The following DCC variants were observed in gnomAD, a reference collection of about 807,000 sequenced individuals.
DCC encodes the protein DCC netrin 1 receptor.
DCC carries 58 observed loss-of-function variants against 172.5 expected under a neutral mutation model. The observed-to-expected ratio is 0.34, with a 90% CI of 0.27 to 0.42. The LOEUF is 0.42. DCC is among the 10% of genes least tolerant of loss of function. The pLI, the probability that DCC is intolerant of heterozygous loss-of-function variation, is 1.00. For missense variants in DCC, 1,740 were observed against 1,791.0 expected, an observed-to-expected ratio of 0.97 and a Z score of 0.51; for synonymous variants, 709 against 644.5, an observed-to-expected ratio of 1.10 and a Z score of -1.52.
chr18:52,501,955 G>A (rs2031038938), intron 1 of DCC, among the ~76,000 whole-genome samples: 1 of 152,144 alleles, frequency 6.6e-6, no homozygotes, highest in South Asian at 2.1e-4. Context: ...TCTCTCCAGG[G>A]CCCACAGTTC....
intron 7 of DCC, among the ~76,000 whole-genome samples, chr18:53,113,281 T>C (rs1008782279): frequency 6.6e-6 from 1 of 151,476 alleles, no homozygotes; most frequent in African/African-American, 2.4e-5. Context: ...AAATAAACTA[T>C]AGAACACGTA....
chr18:52,547,399 A>G (rs1323054240), intron 1 of DCC, among the ~76,000 whole-genome samples: 1 of 152,126 alleles, frequency 6.6e-6, no homozygotes, highest in Non-Finnish European at 1.5e-5. Context: ...ATTTTAGTCC[A>G]CTCATTCCAC....
At chr18:52,955,736 C>A (rs1008306242) in intron 5 of DCC, among the ~76,000 whole-genome samples, 2 of 152,050 alleles carry the variant, frequency 1.3e-5, no homozygotes, top group Admixed American at 1.3e-4. Context: ...GGGATTTTGG[C>A]TATTCCAATA....
intron 1 of DCC, among the ~76,000 whole-genome samples, chr18:52,693,819 G>T (rs2035968534): frequency 6.6e-6 from 1 of 152,010 alleles, no homozygotes; most frequent in African/African-American, 2.4e-5. Flanking sequence ...AAATAGGATG[G>T]GATTGGATTA....
intron 7 of DCC, among the ~76,000 whole-genome samples, chr18:53,121,711 CTG>C (rs762040442): frequency 2.0e-5 from 3 of 151,772 alleles, no homozygotes; most frequent in African/African-American, 4.8e-5. Context: ...GTGCTTGACA[CTG>C]TGGTTAATAA....
At chr18:52,969,557 G>A (rs1026268040) in intron 5 of DCC, among the ~76,000 whole-genome samples, 14 of 136,814 alleles carry the variant, frequency 1.0e-4, no homozygotes, top group African/African-American at 3.8e-4. Context: ...AGCCTCTAAT[G>A]CAATTTCCTT....
At chr18:52,951,193 A>C (rs1031446171) in intron 5 of DCC, among the ~76,000 whole-genome samples, 10 of 152,058 alleles carry the variant, frequency 6.6e-5, no homozygotes, top group African/African-American at 2.4e-4. Flanking sequence ...CACTGACATG[A>C]GAATCTCTAT....
chr18:52,491,974 A>G (rs985059328), intron 1 of DCC, among the ~76,000 whole-genome samples: 2 of 151,832 alleles, frequency 1.3e-5, no homozygotes, highest in African/African-American at 4.8e-5. Context: ...GACAAAAAAT[A>G]TGTGTCCCTA....
chr18:52,785,416 C>G (rs1236658594), intron 2 of DCC, among the ~76,000 whole-genome samples: 1 of 152,088 alleles, frequency 6.6e-6, no homozygotes, highest in South Asian at 2.1e-4. Context: ...TTACTCTCTG[C>G]TTAAGTAATT....
rs142718975 is a variant in DCC at position 53,117,748 on chromosome 18, C to A, written c.1262-39608C>A. ...TGCAGGCCACGTGATCTCTGTTGCA[C>A]CTCCTGGACTCTACAGTTTTCAGGC... On this transcript the variant is annotated intron_variant, in intron 7 of 28. Coordinates refer to ENST00000442544, the MANE Select transcript of DCC (RefSeq NM_005215.4). Among the ~76,000 whole-genome samples, 9 of 151,788 alleles carry A rather than the reference C, an allele frequency of 5.9e-5. No individual in the cohort carries two copies. In the East Asian group the frequency reaches 1.2e-3, roughly 20 times the overall value.
chr18:53,251,817 T>C (rs2056439023), intron 12 of DCC, among the ~76,000 whole-genome samples: 1 of 151,944 alleles, frequency 6.6e-6, no homozygotes, highest in Non-Finnish European at 1.5e-5. Context: ...TCATGACTTG[T>C]CATCTTCAGT....
chr18:53,359,716 G>A (rs769709378), intron 15 of DCC, among the ~76,000 whole-genome samples: 2 of 152,100 alleles, frequency 1.3e-5, no homozygotes, highest in Non-Finnish European at 2.9e-5. Context: ...ATCCTAGTTA[G>A]CCCTAGGAAG....
At chr18:53,413,909 A>G (rs913989212) in intron 20 of DCC, among the ~76,000 whole-genome samples, 4 of 152,152 alleles carry the variant, frequency 2.6e-5, no homozygotes, top group Non-Finnish European at 4.4e-5. Context: ...ACTTCCAACA[A>G]CATACTGTCC....
chr18:53,492,461 C>A (rs1241813816), intron 26 of DCC, among the ~76,000 whole-genome samples: 1 of 152,054 alleles, frequency 6.6e-6, no homozygotes, highest in Middle Eastern at 3.2e-3. Flanking sequence ...AGTCTTTAAT[C>A]CATCTTGAGT....
intron 1 of DCC, among the ~76,000 whole-genome samples, chr18:52,523,149 A>G (rs1285706538): frequency 6.6e-6 from 1 of 152,166 alleles, no homozygotes; most frequent in Non-Finnish European, 1.5e-5. Flanking sequence ...GGTGGTCTCA[A>G]GTGTACTGGG....
At chr18:52,658,475 A>G (rs940200349) in intron 1 of DCC, among the ~76,000 whole-genome samples, 1 of 152,158 alleles carries the variant, frequency 6.6e-6, no homozygotes, top group Admixed American at 6.5e-5. Context: ...TTTGATTCAG[A>G]GACAGAAATG....
chr18:52,411,213 C>A (rs1290070164), intron 1 of DCC, among the ~76,000 whole-genome samples: 1 of 152,158 alleles, frequency 6.6e-6, no homozygotes, highest in Non-Finnish European at 1.5e-5. Context: ...TCCCTCAGAT[C>A]TCTTCAGGAT....
chr18:53,207,044 C>T (rs1450545102), intron 10 of DCC, among the ~76,000 whole-genome samples: 1 of 151,812 alleles, frequency 6.6e-6, no homozygotes, highest in African/African-American at 2.4e-5. Context: ...GTTTTATCTG[C>T]CTTTCTATAT....
intron 1 of DCC, among the ~76,000 whole-genome samples, chr18:52,528,999 T>C (rs2032066420): frequency 6.6e-6 from 1 of 152,148 alleles, no homozygotes; most frequent in Non-Finnish European, 1.5e-5. Context: ...TGCCAATCTA[T>C]AGACAAGAGG....
Sources: allele counts gnomAD v4.1 joint callset (sites outside exome capture counted in the v4.1 genomes callset), GRCh38; gene constraint gnomAD v4.1.1; transcripts MANE v1.5; gene names NCBI Gene and HGNC (gene_info 2026-07-23, HGNC 2026-07-21).